Variants in RIC1 observed in about 807,000 individuals in gnomAD.
The protein encoded by RIC1 is guanine nucleotide exchange factor subunit RIC1.
RIC1 carries 88 observed loss-of-function variants against 169.0 expected under a neutral mutation model. The ratio of observed to expected loss-of-function variants is 0.52; its 90% CI spans 0.44 to 0.62. RIC1 has a LOEUF of 0.62. RIC1 is among the 20% of genes least tolerant of loss of function. The pLI, the probability that RIC1 is intolerant of heterozygous loss-of-function variation, is 0.00. For synonymous variants in RIC1, 790 were observed against 601.5 expected, an observed-to-expected ratio of 1.31 and a Z score of -4.59; for missense variants, 1,877 against 1,725.5, an observed-to-expected ratio of 1.09 and a Z score of -1.56.
At chr9:5,644,743 C>T (rs1171155056) in intron 1 of RIC1, among the ~76,000 whole-genome samples, 1 of 152,164 alleles carries the variant, frequency 6.6e-6, no homozygotes, top group Non-Finnish European at 1.5e-5. Context: ...GTATACATGT[C>T]TGTGTGTGGA....
intron 10 of RIC1, among the ~76,000 whole-genome samples, chr9:5,744,172 T>C (rs1021000365): frequency 1.3e-5 from 2 of 152,154 alleles, no homozygotes; most frequent in Non-Finnish European, 2.9e-5. Context: ...TGTTTAGATG[T>C]GGCCAGCAAA....
chr9:5,658,597 C>G (rs1013627139), intron 2 of RIC1, among the ~76,000 whole-genome samples: 4 of 151,938 alleles, frequency 2.6e-5, no homozygotes, highest in African/African-American at 7.2e-5. Context: ...TTCAGTACAA[C>G]CCGAAGTAGA....
intron 1 of RIC1, among the ~76,000 whole-genome samples, chr9:5,647,359 T>C (rs192581442): frequency 6.6e-6 from 1 of 152,352 alleles, no homozygotes; most frequent in African/African-American, 2.4e-5. Flanking sequence ...GCTGTTAGGA[T>C]TTTGAAAGGA....
chr9:5,749,372 A>G (rs959678981), intron 12 of RIC1, among the ~76,000 whole-genome samples: 8 of 152,210 alleles, frequency 5.3e-5, no homozygotes, highest in Non-Finnish European at 7.3e-5. Context: ...TACAGTGTCT[A>G]TATAATGCTA....
chr9:5,702,646 C>G (rs1197044893), intron 3 of RIC1, among the ~76,000 whole-genome samples: 1 of 152,162 alleles, frequency 6.6e-6, no homozygotes, highest in African/African-American at 2.4e-5. Flanking sequence ...TGAAGCAATT[C>G]TCCTGCTTCA....
intron 2 of RIC1, among the ~76,000 whole-genome samples, chr9:5,661,019 G>A (rs539679685): frequency 6.6e-6 from 1 of 152,280 alleles, no homozygotes; most frequent in South Asian, 2.1e-4. Flanking sequence ...CCTTTAGGGT[G>A]TAAGGAAGGG....
At chr9:5,692,104 T>C (rs1019331123) in intron 3 of RIC1, among the ~76,000 whole-genome samples, 1 of 152,120 alleles carries the variant, frequency 6.6e-6, no homozygotes, top group Non-Finnish European at 1.5e-5. Flanking sequence ...AATTTGGGCA[T>C]TCTTTTACTA....
chr9:5,750,651 CTTT>C (rs1227873836), intron 12 of RIC1, among the ~76,000 whole-genome samples: 1 of 151,802 alleles, frequency 6.6e-6, no homozygotes, highest in Non-Finnish European at 1.5e-5. Context: ...GATTCAGTTT[CTTT>C]AAGAGAAACT....
In RIC1 at chr9:5,758,407, C is replaced by T. The variant is rs529335588; in HGVS notation, c.1992+956C>T. ...TCGAGGCACTTCGATCAAACCTCAA[C>T]ACTCCATAAAATAATTAGAAAACAG... On this transcript the variant is annotated intron_variant, in intron 17 of 25. Coordinates refer to ENST00000414202, the MANE Select transcript of RIC1 (RefSeq NM_020829.4). Among the ~76,000 whole-genome samples, 20 of 152,332 alleles carry T rather than the reference C, an allele frequency of 1.3e-4. No homozygotes were observed. In the South Asian group the frequency reaches 4.1e-3, roughly 32 times the overall value.
At chr9:5,729,868 G>T (rs1411217670) in intron 6 of RIC1, among the ~76,000 whole-genome samples, 1 of 151,392 alleles carries the variant, frequency 6.6e-6, no homozygotes, top group Admixed American at 6.6e-5. Flanking sequence ...TTCCTATAAG[G>T]TGCATATATA....
At position 5,765,859 on chromosome 9, in the gene RIC1, C is replaced by G. The variant is rs1223081686; in HGVS notation, c.3137+61C>G. ...ATTCATGACACATTGCATTTCAAGA[C>G]ATTTACAAAATTAGGTCTTAATGGA... On this transcript the variant is annotated intron_variant, in intron 21 of 25. Coordinates refer to ENST00000414202, the MANE Select transcript of RIC1 (RefSeq NM_020829.4). 9 of 1,575,814 alleles carry G rather than the reference C, an allele frequency of 5.7e-6. 1 individual carries two copies. Among genetic ancestry groups the G allele is most frequent in the Non-Finnish European group, 7.8e-6 (9 of 1,155,616 alleles).
chr9:5,762,279 T>A (rs1485377732), intron 17 of RIC1, among the ~76,000 whole-genome samples: 1 of 152,234 alleles, frequency 6.6e-6, no homozygotes, highest in African/African-American at 2.4e-5. Flanking sequence ...AAAGTTGTCT[T>A]AGCTTTTTCA....
chr9:5,705,110 T>C (rs1218886840), intron 3 of RIC1, among the ~76,000 whole-genome samples: 1 of 152,144 alleles, frequency 6.6e-6, no homozygotes, highest in Non-Finnish European at 1.5e-5. Flanking sequence ...TCTCCAACTT[T>C]GTTCTTCTTT....
intron 12 of RIC1, among the ~76,000 whole-genome samples, chr9:5,749,067 T>C (rs1274489744): frequency 3.9e-5 from 6 of 152,120 alleles, no homozygotes; most frequent in African/African-American, 1.4e-4. Context: ...GATCATAAAG[T>C]CCAACTGGAT....
chr9:5,730,412 C>T (rs1188731871), intron 6 of RIC1, among the ~76,000 whole-genome samples: 2 of 152,126 alleles, frequency 1.3e-5, no homozygotes, highest in Non-Finnish European at 2.9e-5. Context: ...TGCAACAACA[C>T]AGATAGATCT....
intron 2 of RIC1, among the ~76,000 whole-genome samples, chr9:5,656,973 C>G (rs188843047): frequency 2.0e-5 from 3 of 151,124 alleles, no homozygotes; most frequent in African/African-American, 4.9e-5. Context: ...TGAAGTCTAA[C>G]TGCTTTACTA....
chr9:5,773,712 T>C (rs933107332), intron 25 of RIC1, among the ~76,000 whole-genome samples: 1 of 152,188 alleles, frequency 6.6e-6, no homozygotes, highest in Non-Finnish European at 1.5e-5. Flanking sequence ...GTAATACTGG[T>C]TCTAAAACAT....
intron 1 of RIC1, among the ~76,000 whole-genome samples, chr9:5,650,942 T>A (rs1356658646): frequency 1.3e-5 from 2 of 152,144 alleles, no homozygotes; most frequent in Admixed American, 1.3e-4. Flanking sequence ...AATGTGGAAA[T>A]GCAGGGACTC....
chr9:5,707,118 A>C (rs1218939707), intron 3 of RIC1, among the ~76,000 whole-genome samples: 1 of 151,964 alleles, frequency 6.6e-6, no homozygotes, highest in Admixed American at 6.6e-5. Flanking sequence ...GCATTTCCTG[A>C]TTTCCCTTTT....
Sources: allele counts gnomAD v4.1 joint callset (sites outside exome capture counted in the v4.1 genomes callset), GRCh38; gene constraint gnomAD v4.1.1; transcripts MANE v1.5; gene names NCBI Gene and HGNC (gene_info 2026-07-23, HGNC 2026-07-21).